SEL1L3: variants seen among roughly 807,000 people sequenced by gnomAD.
SEL1L3 encodes protein sel-1 homolog 3.
A neutral mutation model predicts 142.8 loss-of-function variants in SEL1L3; 76 were observed. The ratio of observed to expected loss-of-function variants is 0.53; its 90% confidence interval spans 0.44 to 0.64. SEL1L3 has a LOEUF of 0.64. Ranked by LOEUF, SEL1L3 falls within the 30% of genes least tolerant of loss-of-function variation. The probability of loss-of-function intolerance (pLI) is 0.00; values close to 1 mark genes in which losing one functional copy is unlikely to be tolerated. For missense variants in SEL1L3, 1,262 were observed against 1,381.7 expected (o/e 0.91, Z 1.37); for synonymous variants, 504 against 519.6 (o/e 0.97, Z 0.41).
chr4:25,773,931 C>T (rs1719417238), intron 17 of SEL1L3, among the ~76,000 whole-genome samples: 1 of 152,162 alleles, frequency 6.6e-6, no homozygotes, highest in Non-Finnish European at 1.5e-5. Flanking sequence ...AAGGCTGTCC[C>T]AAGCTTCCCA....
chr4:25,734,042 C>A, the SEL1L3 span, among the ~76,000 whole-genome samples: 85 of 152,056 alleles, frequency 5.6e-4, no homozygotes, highest in African/African-American at 2.0e-3. Flanking sequence ...TTTTTTGAGA[C>A]AGAGTCTCGC....
intron 2 of SEL1L3, among the ~76,000 whole-genome samples, chr4:25,843,511 C>T (rs975309948): frequency 7.9e-5 from 12 of 152,342 alleles, no homozygotes; most frequent in Admixed American, 2.6e-4. Flanking sequence ...AGTCACTGGC[C>T]TGCATGGCTG....
intron 17 of SEL1L3, among the ~76,000 whole-genome samples, chr4:25,774,126 C>A (rs1486496050): frequency 6.6e-6 from 1 of 152,132 alleles, no homozygotes; most frequent in South Asian, 2.1e-4. Flanking sequence ...ATGTAAAAAG[C>A]AATCATGATC....
intron 23 of SEL1L3, among the ~76,000 whole-genome samples, chr4:25,751,762 G>GCTAT (rs1279312120): frequency 6.6e-6 from 1 of 151,422 alleles, no homozygotes; most frequent in Admixed American, 6.6e-5. Context: ...TATCAATTGA[G>GCTAT]CTATCTTGGT....
chr4:25,747,470 T>C lies in SEL1L3; in HGVS notation c.*955A>G, dbSNP rs1717312352. 6.6e-6 allele frequency: 1 copy of C among 152,112 alleles called. No homozygotes were observed. The highest frequency in any genetic ancestry group is 2.4e-5 in the African/African-American group (1 of 41,432). The allele number at this position is 152,112 out of a possible 1,614,324, so 9.4% of individuals were successfully genotyped here. A position where few individuals can be genotyped will look rare whatever the true frequency, so the allele number is the denominator to read the frequency against. ...AAATAATTTTATTTACTACTGTAAATAAAGTAGTGCAAAGAGTAGTTTGGA... is the reference window on the plus strand; with the variant it reads ...AAATAATTTTATTTACTACTGTAAACAAAGTAGTGCAAAGAGTAGTTTGGA... On this transcript the variant is annotated 3_prime_UTR_variant, in exon 24 of 24. Transcript: ENST00000399878.
intron 2 of SEL1L3, 94 bp from the exon 3 acceptor site, chr4:25,835,417 T>A (rs1209294988): frequency 7.1e-7 from 1 of 1,405,434 alleles, no homozygotes; most frequent in African/African-American, 1.4e-5. Context: ...TGAGCTCCAA[T>A]CAAACATTTA....
Position 25,838,489 on chromosome 4 carries a change from C to G in SEL1L3, c.734-3166G>C, listed in dbSNP as rs137924227. 2.6e-3 allele frequency among the ~76,000 whole-genome samples: 397 copies of G among 152,322 alleles called. 2 individuals are homozygous for G. The highest frequency in any genetic ancestry group is 8.1e-3 in the African/African-American group (336 of 41,562). On this transcript the variant is annotated intron_variant, in intron 2 of 23. Coordinates refer to ENST00000399878, the MANE Select transcript of SEL1L3 (RefSeq NM_015187.5). ...TCTAATATGACTCAAACCTGGCCTC[C>G]CCACTGCAAACCAATGGGCTTTTCT...
chr4:25,784,230 T>C lies in SEL1L3; in HGVS notation c.2278A>G (p.Lys760Glu), dbSNP rs1228015782. The C allele has an allele frequency of 1.2e-6, 2 of 1,612,590 alleles. No individual in the cohort carries two copies. The highest frequency in any genetic ancestry group is 1.7e-6 in the Non-Finnish European group (2 of 1,178,760). ...ALELMKKAAS[K>E]GLHQAVNGLG... is the part of the protein sequence containing the mutation. The stretch of plus-strand genomic sequence containing the variant: ...CTCTGACAATATGCATGTGTTACCT[T>C]GGAAGCTGCTTTCTTCATCAGCTCT... Residue 760 changes from lysine to glutamate, a missense_variant and splice_region_variant, in exon 14 of 24, where the codon AAG becomes GAG. Lys to Glu is a moderately conservative substitution (Grantham distance 56). Around this residue, in one of 3 missense-constraint regions of SEL1L3, gnomAD observed 435 missense variants for 559.2 expected, o/e 0.78. Transcript: ENST00000399878.
At chr4:25,733,412 A>G in the SEL1L3 span, among the ~76,000 whole-genome samples, 1 of 150,802 alleles carries the variant, frequency 6.6e-6, no homozygotes, top group African/African-American at 2.4e-5. Context: ...TTTCCATTCA[A>G]TGGTTTATTG....
In SEL1L3 at chr4:25,808,896, CT is replaced by C. The variant is rs759043313; in HGVS notation, c.1565-4145del. On this transcript the variant is annotated intron_variant, in intron 9 of 23. Transcript: ENST00000399878. ...CACCCTGGCTAACACGGTGAAACCC[CT>C]ATCTCTACTAAAAATACAAAAAAAA... Among the ~76,000 whole-genome samples the C allele has an allele frequency of 8.1e-3, 1,224 of 151,902 alleles. 11 individuals carry two copies. The highest frequency in any genetic ancestry group is 0.024 in the African/African-American group (997 of 41,248).
At chr4:25,752,890 G>C (rs768401759) in intron 23 of SEL1L3, among the ~76,000 whole-genome samples, 25 of 152,390 alleles carry the variant, frequency 1.6e-4, no homozygotes, top group Middle Eastern at 3.4e-3. Context: ...CAAAGTGCTA[G>C]GCGTGAGCCA....
intron 11 of SEL1L3, among the ~76,000 whole-genome samples, chr4:25,799,683 C>G (rs973133871): frequency 7.2e-5 from 11 of 152,062 alleles, no homozygotes; most frequent in Non-Finnish European, 1.2e-4. Context: ...ATGGAGGATC[C>G]AAGATGACTC....
intron 1 of SEL1L3, among the ~76,000 whole-genome samples, chr4:25,855,443 G>C (rs920498192): frequency 6.6e-6 from 1 of 152,172 alleles, no homozygotes; most frequent in Non-Finnish European, 1.5e-5. Flanking sequence ...TAAGAATTTA[G>C]TAAGTGTTTC....
intron 13 of SEL1L3, 70 bp from the exon 14 acceptor site, chr4:25,784,360 T>C: frequency 8.3e-7 from 1 of 1,202,562 alleles, no homozygotes; most frequent in Non-Finnish European, 1.2e-6. Flanking sequence ...GACACTTTAG[T>C]GTTGGATATA....
chr4:25,761,739 TTAAG>T (rs1718391895), intron 20 of SEL1L3, among the ~76,000 whole-genome samples: 1 of 152,206 alleles, frequency 6.6e-6, no homozygotes. Context: ...TCACTAGTAA[TTAAG>T]TAAATGCAAG....
intron 6 of SEL1L3, among the ~76,000 whole-genome samples, chr4:25,823,886 T>C (rs1019306307): frequency 1.3e-5 from 2 of 152,116 alleles, no homozygotes; most frequent in African/African-American, 4.8e-5. Context: ...ATGGACTGTC[T>C]GTTAGCAAAC....
At chr4:25,803,681 C>T (rs1713343466) in intron 10 of SEL1L3, among the ~76,000 whole-genome samples, 1 of 152,098 alleles carries the variant, frequency 6.6e-6, no homozygotes. Flanking sequence ...CTCTTGAGGG[C>T]CTCAATAGGA....
intron 23 of SEL1L3, among the ~76,000 whole-genome samples, chr4:25,750,252 A>T (rs896310368): frequency 3.3e-5 from 5 of 151,636 alleles, no homozygotes; most frequent in African/African-American, 1.2e-4. Flanking sequence ...AAAAAAAAAA[A>T]AAAGAAAGAA....
intron 21 of SEL1L3, among the ~76,000 whole-genome samples, chr4:25,758,302 C>T (rs1329909534): frequency 6.6e-6 from 1 of 152,126 alleles, no homozygotes; most frequent in African/African-American, 2.4e-5. Flanking sequence ...GAAACCCTGT[C>T]TCTATTAAAA....
Sources: allele counts gnomAD v4.1 joint callset (sites outside exome capture counted in the v4.1 genomes callset), GRCh38; gene constraint gnomAD v4.1.1; regional missense constraint gnomAD v4.1.1; transcripts MANE v1.5; gene names NCBI Gene and HGNC (gene_info 2026-07-23, HGNC 2026-07-21).